Variants in LRPPRC observed in about 807,000 individuals in gnomAD.
LRPPRC encodes leucine-rich PPR motif-containing protein, mitochondrial.
A neutral mutation model predicts 180.3 loss-of-function variants in LRPPRC; 120 were observed. The observed-to-expected ratio is 0.67, with a 90% CI of 0.57 to 0.77. LRPPRC has a LOEUF of 0.77. Ranked by LOEUF, LRPPRC falls within the 30% of genes least tolerant of loss-of-function variation. The pLI is 0.00. For missense variants in LRPPRC, 2,012 were observed against 1,657.2 expected (o/e 1.21, Z -3.72); for synonymous variants, 723 against 600.0 (o/e 1.21, Z -3.00).
chr2:43,899,290 T>A lies in LRPPRC; in HGVS notation c.3754A>T (p.Lys1252Ter). 6.2e-7 allele frequency: 1 copy of A among 1,614,172 alleles called. No homozygotes were observed. The highest frequency in any genetic ancestry group is 1.3e-5 in the African/African-American group (1 of 75,052). Residue 1252 changes from lysine (K) to a stop codon, truncating the protein, a stop_gained, in exon 34 of 38, where the codon AAA (lysine) becomes TAA (stop). Coordinates refer to ENST00000260665, the MANE Select transcript of LRPPRC (RefSeq NM_133259.4). LOFTEE classifies it high-confidence loss of function. ...TGAAGGAAAAAATCAGTGACAGGTT[T>A]ATAAATTGCAAACTGATTGGCCAAT... ...ERLANQFAIY[K>*]PVTDFFLQLV...
chr2:43,948,044 C>T lies in LRPPRC; in HGVS notation c.1920+78G>A. 2.9e-6 allele frequency: 3 copies of T among 1,032,120 alleles called. No homozygotes were observed. The Admixed American group carries it at 5.2e-5, about 18-fold the overall frequency. 63.9% of individuals were successfully genotyped at this position (1,032,120 alleles called of 1,614,324 possible). ...AAATTTTTTTTCTGACCAAAAGCAT[C>T]ATATTTAAATAAAATTTTAACATGC... On this transcript the variant is annotated intron_variant, in intron 18 of 37. Coordinates refer to ENST00000260665, the MANE Select transcript of LRPPRC (RefSeq NM_133259.4).
At chr2:43,970,828 G>A (rs755745649) in intron 11 of LRPPRC, among the ~76,000 whole-genome samples, 9 of 152,186 alleles carry the variant, frequency 5.9e-5, no homozygotes, top group Non-Finnish European at 8.8e-5. Flanking sequence ...CGCCAAGAGT[G>A]GTGGCTCACG....
At chr2:43,899,182 C>G (rs1334111848) in intron 34 of LRPPRC, 37 bp downstream of exon 34, 6 of 1,421,738 alleles carry the variant, frequency 4.2e-6, no homozygotes, top group Admixed American at 3.4e-5. Flanking sequence ...TCTTGCAAGC[C>G]TCGAGCCCCA....
intron 27 of LRPPRC, among the ~76,000 whole-genome samples, chr2:43,924,446 T>A (rs1024741800): frequency 6.6e-6 from 1 of 152,164 alleles, no homozygotes; most frequent in African/African-American, 2.4e-5. Context: ...CAAAAATGAA[T>A]AACGTAGTGT....
At chr2:43,991,542 TA>T in intron 1 of LRPPRC, among the ~76,000 whole-genome samples, 1 of 152,276 alleles carries the variant, frequency 6.6e-6, no homozygotes, top group Non-Finnish European at 1.5e-5. Flanking sequence ...AGTATTATGC[TA>T]AAAACCATCA....
At chr2:43,911,582 AGT>A (rs1463508874) in intron 30 of LRPPRC, among the ~76,000 whole-genome samples, 1 of 127,750 alleles carries the variant, frequency 7.8e-6, no homozygotes, top group East Asian at 2.4e-4. Flanking sequence ...GCTGGAGTGC[AGT>A]TGCGCAATCT....
At chr2:43,940,734 A>T (rs551171945) in intron 23 of LRPPRC, among the ~76,000 whole-genome samples, 56 of 152,204 alleles carry the variant, frequency 3.7e-4, no homozygotes, top group Non-Finnish European at 7.1e-4. Context: ...TTATGCTTTA[A>T]TATCTGATGG....
chr2:43,913,038 T>G (rs1425772907), intron 29 of LRPPRC, among the ~76,000 whole-genome samples: 1 of 152,162 alleles, frequency 6.6e-6, no homozygotes, highest in African/African-American at 2.4e-5. Flanking sequence ...TTCAGCACAA[T>G]AGCACTAAAG....
intron 24 of LRPPRC, 36 bp from the exon 25 acceptor site, chr2:43,934,332 A>G (rs755552443): frequency 4.5e-5 from 44 of 987,628 alleles, no homozygotes; most frequent in Non-Finnish European, 5.9e-5. Flanking sequence ...ATATTAGGAG[A>G]AAAAAAAACC....
chr2:43,921,144 T>C (rs890630160), intron 27 of LRPPRC, among the ~76,000 whole-genome samples: 3 of 152,002 alleles, frequency 2.0e-5, no homozygotes, highest in African/African-American at 7.2e-5. Flanking sequence ...ATACAAAAAT[T>C]AGCCAGGTGT....
chr2:43,931,283 C>G (rs1427781938), intron 25 of LRPPRC, among the ~76,000 whole-genome samples: 1 of 152,084 alleles, frequency 6.6e-6, no homozygotes, highest in African/African-American at 2.4e-5. Context: ...GTTTGATTCC[C>G]AAGAGTTCTT....
rs1670349311 is a variant in LRPPRC at position 43,888,452 on chromosome 2, G to C, written c.*148C>G. 1.6e-6 allele frequency: 1 copy of C among 619,448 alleles called. No homozygotes were observed. Among genetic ancestry groups the C allele is most frequent in the Non-Finnish European group, 2.9e-6 (1 of 340,580 alleles). The allele number at this position is 619,448 out of a possible 1,614,324, so 38.4% of individuals were successfully genotyped here. A position where few individuals can be genotyped will look rare whatever the true frequency, so the allele number is the denominator to read the frequency against. On this transcript the variant is annotated 3_prime_UTR_variant, in exon 38 of 38. Transcript: ENST00000260665. ...AATGTCCAATAACCAAGTGCACAGA[G>C]TTATGGTCAATAAGACTTTGAACAT... is the stretch of plus-strand genomic sequence containing the variant.
At chr2:43,975,588 CT>C (rs201011515) in intron 6 of LRPPRC, among the ~76,000 whole-genome samples, 165 of 144,076 alleles carry the variant, frequency 1.1e-3, no homozygotes, top group Middle Eastern at 3.6e-3. Flanking sequence ...TTTCTTTTTT[CT>C]TTTTTTTTTT....
intron 27 of LRPPRC, among the ~76,000 whole-genome samples, chr2:43,922,976 G>A (rs971401793): frequency 9.2e-5 from 14 of 152,010 alleles, no homozygotes; most frequent in African/African-American, 3.4e-4. Flanking sequence ...CTGGCTTCCA[G>A]CCTCCTAAGA....
At chr2:43,981,050 G>C (rs528985766) in intron 2 of LRPPRC, among the ~76,000 whole-genome samples, 1 of 152,184 alleles carries the variant, frequency 6.6e-6, no homozygotes, top group African/African-American at 2.4e-5. Flanking sequence ...CCCACGAATA[G>C]GCTTTAGGAA....
intron 25 of LRPPRC, among the ~76,000 whole-genome samples, chr2:43,927,797 G>C (rs1194391487): frequency 6.6e-6 from 1 of 152,134 alleles, no homozygotes; most frequent in Non-Finnish European, 1.5e-5. Flanking sequence ...ATCTTCCCAT[G>C]TTTCATTTTG....
intron 30 of LRPPRC, among the ~76,000 whole-genome samples, chr2:43,911,305 TAC>T (rs1671247277): frequency 2.0e-5 from 3 of 151,884 alleles, no homozygotes; most frequent in African/African-American, 7.2e-5. Context: ...CACAGACAAG[TAC>T]AGTCATACAG....
intron 37 of LRPPRC, among the ~76,000 whole-genome samples, chr2:43,889,344 A>G (rs1670397462): frequency 6.8e-6 from 1 of 147,896 alleles, no homozygotes; most frequent in South Asian, 2.2e-4. Flanking sequence ...AAAAAAGGCA[A>G]AATTTCCTAG....
chr2:43,889,694 C>G, intron 37 of LRPPRC, 40 bp downstream of exon 37: 3 of 1,469,346 alleles, frequency 2.0e-6, no homozygotes, highest in South Asian at 2.3e-5. Flanking sequence ...GCACATAAAT[C>G]TGCAGAGGTA....
Sources: gnomAD v4.1 joint callset for allele counts (sites outside exome capture counted in the v4.1 genomes callset) on GRCh38, gnomAD v4.1.1 for gene constraint, MANE v1.5 for transcripts, NCBI Gene and HGNC (gene_info 2026-07-23, HGNC 2026-07-21) for gene names.